CUX1: variants seen among roughly 807,000 people sequenced by gnomAD.
CUX1 encodes the protein cut like homeobox 1, also known as protein CASP.
CUX1 carries 31 observed loss-of-function variants against 158.8 expected under a neutral mutation model. That is an observed-to-expected ratio of 0.20 (90% CI 0.15 to 0.26). CUX1 has a LOEUF of 0.26. Ranked by LOEUF, CUX1 falls within the 10% of genes least tolerant of loss-of-function variation. The pLI is 1.00. For synonymous variants in CUX1, 879 were observed against 862.1 expected (o/e 1.02, Z -0.34); for missense variants, 1,589 against 2,014.6 (o/e 0.79, Z 4.04).
At chr7:101,837,009 T>C (rs1361461373) in intron 1 of CUX1, among the ~76,000 whole-genome samples, 1 of 152,220 alleles carries the variant, frequency 6.6e-6, no homozygotes, top group Non-Finnish European at 1.5e-5. Flanking sequence ...TCATCCTTTG[T>C]AGTTGGCCAT....
chr7:102,230,930 A>G (rs191946053), intron 21 of CUX1, among the ~76,000 whole-genome samples: 37 of 151,830 alleles, frequency 2.4e-4, no homozygotes, highest in African/African-American at 8.2e-4. Context: ...GCACGATCAT[A>G]GCTTACTGCA....
chr7:101,918,096 T>A (rs1281809424), intron 2 of CUX1, among the ~76,000 whole-genome samples: 1 of 151,854 alleles, frequency 6.6e-6, no homozygotes, highest in Non-Finnish European at 1.5e-5. Context: ...AATACACGAG[T>A]GTATTCAGCC....
At chr7:101,903,802 C>T (rs137869317) in intron 1 of CUX1, among the ~76,000 whole-genome samples, 5 of 152,122 alleles carry the variant, frequency 3.3e-5, no homozygotes, top group African/African-American at 7.2e-5. Flanking sequence ...TTTTCATCTT[C>T]GCAGAGTGGG....
chr7:102,151,460 G>A (rs1554503561), intron 8 of CUX1, among the ~76,000 whole-genome samples: 1 of 152,018 alleles, frequency 6.6e-6, no homozygotes, highest in African/African-American at 2.4e-5. Context: ...GGCTGAGGCA[G>A]GGAGAATCGC....
intron 14 of CUX1, among the ~76,000 whole-genome samples, chr7:102,263,900 C>T (rs1261491246): frequency 1.3e-5 from 2 of 151,716 alleles, no homozygotes; most frequent in African/African-American, 2.4e-5. Context: ...CCATATTGGC[C>T]GGGCTGGTCT....
At chr7:102,234,415 A>G (rs773816492) in intron 22 of CUX1, among the ~76,000 whole-genome samples, 175 bp downstream of exon 22, 1 of 152,176 alleles carries the variant, frequency 6.6e-6, no homozygotes, top group Non-Finnish European at 1.5e-5. Flanking sequence ...AGAGGGCTGG[A>G]AAGTTGTGTA....
At position 102,256,284 on chromosome 7, in the gene CUX1, G is replaced by A; in HGVS notation, c.*7242G>A. 4.1e-6 allele frequency: 4 copies of A among 985,396 alleles called. No individual in the cohort carries two copies. Among genetic ancestry groups the A allele is most frequent in the Non-Finnish European group, 4.8e-6 (4 of 829,922 alleles). 61.0% of individuals were successfully genotyped at this position (985,396 alleles called of 1,614,324 possible). A position where few individuals can be genotyped will look rare whatever the true frequency, so the allele number is the denominator to read the frequency against. On this transcript the variant is annotated 3_prime_UTR_variant, in exon 24 of 24. Transcript: ENST00000292535. ...CTGCTACTGACCTGCCGGCGTGCGT[G>A]AGGGTGATTATAAAAGGATGTTTCC...
chr7:102,052,358 A>G lies in CUX1; in HGVS notation c.190-17981A>G, dbSNP rs545290457. ...CTCTGTAGATTTGGCCATTCTTAAC[A>G]TTTCATATCAATGAGATCAAATAAT... On this transcript the variant is annotated intron_variant, in intron 3 of 23. Coordinates refer to ENST00000292535, the MANE Select transcript of CUX1 (RefSeq NM_181552.4). 2.6e-5 allele frequency among the ~76,000 whole-genome samples: 4 copies of G among 152,252 alleles called. No homozygotes were observed. In the South Asian group the frequency reaches 8.3e-4, roughly 32 times the overall value.
At chr7:101,870,374 G>A (rs1562949648) in intron 1 of CUX1, among the ~76,000 whole-genome samples, 1 of 151,908 alleles carries the variant, frequency 6.6e-6, no homozygotes, top group Non-Finnish European at 1.5e-5. Context: ...GTTTCACCAT[G>A]TTGCTCAGTC....
chr7:102,078,107 C>A (rs1554477313), intron 4 of CUX1, among the ~76,000 whole-genome samples: 1 of 151,926 alleles, frequency 6.6e-6, no homozygotes, highest in Non-Finnish European at 1.5e-5. Context: ...TTTTTAGCAG[C>A]GGGGTCTCTG....
chr7:102,276,693 T>G (rs1791629600), intron 17 of CUX1, among the ~76,000 whole-genome samples: 1 of 152,168 alleles, frequency 6.6e-6, no homozygotes, highest in Admixed American at 6.5e-5. Context: ...GCCTTTAGAT[T>G]GGCAAATATT....
At chr7:102,034,394 G>T (rs1821171893) in intron 3 of CUX1, among the ~76,000 whole-genome samples, 1 of 151,898 alleles carries the variant, frequency 6.6e-6, no homozygotes, top group Non-Finnish European at 1.5e-5. Context: ...CTACCAACAG[G>T]CTAGGCATGG....
intron 1 of CUX1, among the ~76,000 whole-genome samples, chr7:101,897,971 C>G (rs1562977810): frequency 6.6e-6 from 1 of 152,178 alleles, no homozygotes; most frequent in South Asian, 2.1e-4. Context: ...CTCCTACCCC[C>G]ACCCAGCTTG....
chr7:101,885,786 C>T (rs375876255), intron 1 of CUX1, among the ~76,000 whole-genome samples: 2 of 152,164 alleles, frequency 1.3e-5, no homozygotes, highest in Non-Finnish European at 2.9e-5. Context: ...CTCTCCCTGA[C>T]GAGGCTGTTG....
At chr7:102,207,538 C>T (rs1404826954) in intron 20 of CUX1, among the ~76,000 whole-genome samples, 1 of 149,168 alleles carries the variant, frequency 6.7e-6, no homozygotes, top group Non-Finnish European at 1.5e-5. Context: ...GTAACCTCCA[C>T]CCCCCCAGGT....
chr7:102,197,362 G>C, intron 15 of CUX1, 57 bp downstream of exon 15: 1 of 1,525,834 alleles, frequency 6.6e-7, no homozygotes, highest in Non-Finnish European at 9.0e-7. Flanking sequence ...AGTTGCACAT[G>C]TGTGTGTGCA....
At position 102,117,013 on chromosome 7, in the gene CUX1, G is replaced by T. The variant is rs376851344; in HGVS notation, c.674+1740G>T. On this transcript the variant is annotated intron_variant, in intron 8 of 23. Coordinates refer to ENST00000292535, the MANE Select transcript of CUX1 (RefSeq NM_181552.4). ...AGGCCATTGCAATCCAGCATGCCCA[G>T]TGCTGCAATCAAGGGGACAGGGCGC... Among the ~76,000 whole-genome samples the T allele has an allele frequency of 2.0e-4, 30 of 152,306 alleles. 1 individual carries two copies. The East Asian group carries it at 5.6e-3, about 28-fold the overall frequency.
chr7:102,161,277 G>A (rs1159470062), intron 9 of CUX1: 2 of 152,178 alleles, frequency 1.3e-5, no homozygotes, highest in African/African-American at 4.8e-5. Context: ...GAGTCCAGGA[G>A]GTAGAGGTTG....
At chr7:102,170,378 T>G (rs1197176138) in intron 9 of CUX1, 68 bp from the exon 10 acceptor site, 1 of 1,102,260 alleles carries the variant, frequency 9.1e-7, no homozygotes, top group African/African-American at 1.5e-5. Flanking sequence ...TTGATGAATG[T>G]TCTTGTAATA....
Sources: allele counts gnomAD v4.1 joint callset (sites outside exome capture counted in the v4.1 genomes callset), GRCh38; gene constraint gnomAD v4.1.1; transcripts MANE v1.5; gene names NCBI Gene and HGNC (gene_info 2026-07-23, HGNC 2026-07-21).